The following RERG variants were observed in gnomAD, a reference collection of about 807,000 sequenced individuals.
The protein encoded by RERG is RAS like estrogen regulated growth inhibitor.
In RERG, 25 loss-of-function variants were observed where a neutral mutation model predicts 23.2. The observed-to-expected ratio is 1.08, with a 90% CI of 0.79 to 1.50. The LOEUF (loss-of-function observed/expected upper bound fraction) is 1.50, where lower values mean the gene tolerates loss of function less well. Ranked by LOEUF, RERG falls within the 40% of genes most tolerant of loss-of-function variation. The pLI is 0.00. For synonymous variants in RERG, 81 were observed against 89.1 expected (o/e 0.91, Z 0.51); for missense variants, 253 against 250.1 (o/e 1.01, Z -0.08).
intron 2 of RERG, among the ~76,000 whole-genome samples, chr12:15,212,965 C>A (rs868634033): frequency 2.2e-4 from 34 of 152,294 alleles, no homozygotes; most frequent in Middle Eastern, 6.8e-3. Context: ...AATCACTTCT[C>A]TTTGTGCCAC....
chr12:15,158,581 C>T (rs148998867), intron 2 of RERG, among the ~76,000 whole-genome samples: 203 of 151,990 alleles, frequency 1.3e-3, no homozygotes, highest in African/African-American at 4.5e-3. Context: ...TGTGCCTGGC[C>T]TCTCAGCATT....
At chr12:15,128,164 T>G (rs1328476657) in intron 2 of RERG, among the ~76,000 whole-genome samples, 7 of 152,234 alleles carry the variant, frequency 4.6e-5, no homozygotes, top group Admixed American at 4.6e-4. Flanking sequence ...AAGGGAATAT[T>G]TTGCTTGTGA....
chr12:15,113,168 T>A (rs1863654930), intron 3 of RERG, among the ~76,000 whole-genome samples: 1 of 152,194 alleles, frequency 6.6e-6, no homozygotes, highest in African/African-American at 2.4e-5. Context: ...AGCAAGTTTA[T>A]GTGAACTAAT....
chr12:15,166,538 GTGGTAGTGGTGT>G (rs1205050404), intron 2 of RERG, among the ~76,000 whole-genome samples: 5 of 151,062 alleles, frequency 3.3e-5, no homozygotes, highest in Admixed American at 2.0e-4. Flanking sequence ...GGTGGTGGTG[GTGGTAGTGGTGT>G]TGGTGGTGGT....
At chr12:15,110,703 C>A (rs563374051) in intron 4 of RERG, among the ~76,000 whole-genome samples, 1 of 151,946 alleles carries the variant, frequency 6.6e-6, no homozygotes, top group Admixed American at 6.5e-5. Flanking sequence ...TGGTCTCGAT[C>A]TCCTGTCCTT....
intron 2 of RERG, among the ~76,000 whole-genome samples, chr12:15,174,969 G>A (rs971910791): frequency 8.6e-5 from 13 of 151,962 alleles, no homozygotes; most frequent in Non-Finnish European, 4.4e-5. Context: ...ATCCCTCAGG[G>A]CCAGTTTCCA....
At chr12:15,121,171 C>G in intron 2 of RERG, 52 bp from the exon 3 acceptor site, 1 of 1,399,398 alleles carries the variant, frequency 7.1e-7, no homozygotes, top group Non-Finnish European at 1.0e-6. Flanking sequence ...ATTTGCTTAG[C>G]ACACCTATCT....
rs77529267 is a variant in RERG, at chr12:15,112,764, T to C, written c.119-1347A>G. Among the ~76,000 whole-genome samples, 337 of 152,206 alleles carry C rather than the reference T, an allele frequency of 2.2e-3. 5 individuals are homozygous for C. The East Asian group carries it at 0.053, about 24-fold the overall frequency. On this transcript the variant is annotated intron_variant, in intron 3 of 4. Coordinates refer to ENST00000256953, the MANE Select transcript of RERG (RefSeq NM_032918.3). ...GATAATAGAACAAGAAATCTTAGTA[T>C]CCTTTATAAAATGAGCCTCAAAGGA...
intron 2 of RERG, among the ~76,000 whole-genome samples, chr12:15,122,890 T>C (rs4764168): frequency 0.68 from 101,934 of 150,960 alleles, 34,510 homozygotes; most frequent in Admixed American, 0.75. Context: ...TCTCCACCTT[T>C]CGGGTTCAAG....
At chr12:15,110,403 GT>G (rs1863583230) in intron 4 of RERG, among the ~76,000 whole-genome samples, 1 of 146,918 alleles carries the variant, frequency 6.8e-6, no homozygotes, top group South Asian at 2.2e-4. Flanking sequence ...GGGGTCACAG[GT>G]AATTGATAAA....
intron 2 of RERG, among the ~76,000 whole-genome samples, chr12:15,140,692 A>G (rs896540858): frequency 6.6e-6 from 1 of 151,184 alleles, no homozygotes; most frequent in African/African-American, 2.4e-5. Flanking sequence ...ATTCTAGGTA[A>G]TTTTTTTTTC....
At chr12:15,186,482 T>A (rs1476303649) in intron 2 of RERG, among the ~76,000 whole-genome samples, 1 of 152,098 alleles carries the variant, frequency 6.6e-6, no homozygotes, top group African/African-American at 2.4e-5. Flanking sequence ...TATATCAATC[T>A]GATATATTAT....
At chr12:15,213,198 T>G (rs1476059527) in intron 2 of RERG, among the ~76,000 whole-genome samples, 3 of 152,242 alleles carry the variant, frequency 2.0e-5, no homozygotes, top group Non-Finnish European at 1.5e-5. Context: ...TGAAGCTAAA[T>G]TTACAATTTC....
chr12:15,167,921 A>T (rs1864719599), intron 2 of RERG, among the ~76,000 whole-genome samples: 1 of 152,182 alleles, frequency 6.6e-6, no homozygotes, highest in South Asian at 2.1e-4. Context: ...TGCCCTTTGA[A>T]AGTTGAATAA....
intron 2 of RERG, among the ~76,000 whole-genome samples, chr12:15,128,925 T>C (rs1236897706): frequency 6.6e-6 from 1 of 152,196 alleles, no homozygotes; most frequent in Non-Finnish European, 1.5e-5. Flanking sequence ...CTTCATACCT[T>C]GTTCCTGGGT....
intron 2 of RERG, among the ~76,000 whole-genome samples, chr12:15,172,141 C>T (rs1054909309): frequency 6.6e-6 from 1 of 152,100 alleles, no homozygotes; most frequent in Non-Finnish European, 1.5e-5. Context: ...TCTCACTCCA[C>T]GCCCATCCAT....
At chr12:15,172,993 A>G (rs987797458) in intron 2 of RERG, among the ~76,000 whole-genome samples, 4 of 151,970 alleles carry the variant, frequency 2.6e-5, no homozygotes, top group Admixed American at 2.6e-4. Flanking sequence ...ATAAAGTTCA[A>G]TTTATCAATT....
chr12:15,171,682 GAAA>G (rs1363701075), intron 2 of RERG, among the ~76,000 whole-genome samples: 1 of 152,140 alleles, frequency 6.6e-6, no homozygotes, highest in Non-Finnish European at 1.5e-5. Context: ...AAGTTAACCT[GAAA>G]AGGTCTTGAA....
intron 2 of RERG, among the ~76,000 whole-genome samples, chr12:15,167,493 T>C (rs1413791269): frequency 6.6e-6 from 1 of 152,176 alleles, no homozygotes; most frequent in Non-Finnish European, 1.5e-5. Context: ...CATGGGTAAC[T>C]GCATTTCTAA....
Sources: allele counts gnomAD v4.1 joint callset (sites outside exome capture counted in the v4.1 genomes callset), GRCh38; gene constraint gnomAD v4.1.1; transcripts MANE v1.5; gene names NCBI Gene and HGNC (gene_info 2026-07-23, HGNC 2026-07-21).